Variants in HSD11B1 observed in about 807,000 individuals in gnomAD.
HSD11B1 encodes the protein 11-beta-hydroxysteroid dehydrogenase 1.
Under a neutral mutation model 22.1 loss-of-function variants are expected in HSD11B1, and 15 were observed. The ratio of observed to expected loss-of-function variants is 0.68; its 90% CI spans 0.45 to 1.04. The LOEUF (loss-of-function observed/expected upper bound fraction) is 1.04. Among genes scored for constraint, HSD11B1 ranks in the 50% least tolerant of loss-of-function variants. The pLI is 0.00. For missense variants in HSD11B1, 281 were observed against 357.6 expected, an observed-to-expected ratio of 0.79 and a Z score of 1.73; for synonymous variants, 122 against 125.2, an observed-to-expected ratio of 0.97 and a Z score of 0.17.
upstream of HSD11B1, among the ~76,000 whole-genome samples, chr1:209,700,840 A>G (rs1226404040): frequency 6.6e-6 from 1 of 152,154 alleles, no homozygotes; most frequent in Non-Finnish European, 1.5e-5. Context: ...AGTTCCACAA[A>G]TCTCTAGGGC....
At chr1:209,723,580 A>G (rs2102392930) in intron 4 of HSD11B1, among the ~76,000 whole-genome samples, 1 of 152,336 alleles carries the variant, frequency 6.6e-6, no homozygotes, top group Non-Finnish European at 1.5e-5. Flanking sequence ...TCCACAGAAC[A>G]GTCTCATTTC....
chr1:209,712,833 G>A (rs1012181451), intron 4 of HSD11B1, among the ~76,000 whole-genome samples: 27 of 152,222 alleles, frequency 1.8e-4, no homozygotes, highest in Middle Eastern at 3.4e-3. Context: ...GACGGATCAC[G>A]AGGTCAGGCA....
rs1553286745 is a variant in HSD11B1, at chr1:209,692,616, G to GGGGGGC, written c.-49+6333_-49+6334insGGGCGG. On this transcript the variant is annotated intron_variant, in intron 1 of 6. Coordinates refer to the HSD11B1 transcript ENST00000261465. Reference sequence around the variant, plus strand: ...TCGGGTATTAAAATGGCGGGGGGGGGGGTGGGGGCTCGGTTCTTGCTAAAT... The same window carrying GGGGGGC: ...TCGGGTATTAAAATGGCGGGGGGGGGGGGGGCGGTGGGGGCTCGGTTCTTGCTAAAT... Among the ~76,000 whole-genome samples, 2 of 110,436 alleles carry GGGGGGC rather than the reference G, an allele frequency of 1.8e-5. 1 individual carries two copies. The highest frequency in any genetic ancestry group is 6.8e-5 in the African/African-American group (2 of 29,348). The allele number at this position is 110,436 out of a possible 152,430, so 72.5% of individuals were successfully genotyped here.
intron 4 of HSD11B1, among the ~76,000 whole-genome samples, chr1:209,712,162 AG>A (rs2076902057): frequency 6.6e-6 from 1 of 152,238 alleles, no homozygotes. Context: ...CTAGGTCTTA[AG>A]AAAAGGAGAA....
chr1:209,698,210 G>GATAT (rs1243727130), intron 1 of HSD11B1, among the ~76,000 whole-genome samples: 3 of 148,434 alleles, frequency 2.0e-5, no homozygotes, highest in African/African-American at 4.9e-5. Context: ...TAGATAGATA[G>GATAT]ATAGATAGGA....
intron 1 of HSD11B1, among the ~76,000 whole-genome samples, chr1:209,698,918 C>T (rs770320380): frequency 2.6e-5 from 4 of 152,178 alleles, no homozygotes; most frequent in Non-Finnish European, 5.9e-5. Context: ...TCCCCTACCA[C>T]AAGCTACACG....
intron 4 of HSD11B1, among the ~76,000 whole-genome samples, chr1:209,731,748 T>G (rs892551484): frequency 1.2e-4 from 19 of 152,192 alleles, no homozygotes; most frequent in African/African-American, 4.6e-4. Context: ...GGAGTCTCTC[T>G]CTGTCACCCA....
chr1:209,704,836 C>A, upstream of HSD11B1: 1 of 832,984 alleles, frequency 1.2e-6, no homozygotes, highest in Non-Finnish European at 2.1e-6. Flanking sequence ...CCTCCCCCGT[C>A]CCTGATGTCA....
At chr1:209,691,700 CAATT>C (rs1019356239) in intron 1 of HSD11B1, among the ~76,000 whole-genome samples, 5 of 151,942 alleles carry the variant, frequency 3.3e-5, no homozygotes, top group African/African-American at 9.7e-5. Context: ...CAGCTGTAAA[CAATT>C]AATCATAATA....
intron 1 of HSD11B1, among the ~76,000 whole-genome samples, chr1:209,689,485 C>T (rs1016414219): frequency 5.3e-5 from 8 of 152,212 alleles, no homozygotes; most frequent in Admixed American, 5.2e-4. Flanking sequence ...TTTGTCCCCT[C>T]CAAGTTGCAT....
Position 209,706,430 on chromosome 1 carries a change from A to C in HSD11B1, c.220-279A>C, listed in dbSNP as rs997447235. 1.3e-4 allele frequency among the ~76,000 whole-genome samples: 20 copies of C among 152,172 alleles called. No individual in the cohort carries two copies. The highest frequency in any genetic ancestry group is 2.0e-4 in the Admixed American group (3 of 15,260). ...GCATCTACACTCATAATGCCCTCAG[A>C]AATGCCTATTCACAGAAGCCATGAG... is the stretch of plus-strand genomic sequence containing the variant. On this transcript the variant is annotated intron_variant, in intron 2 of 5. Coordinates refer to ENST00000367027, the MANE Select transcript of HSD11B1 (RefSeq NM_005525.4). The surrounding 1 kb of genome is among the most constrained non-coding windows in gnomAD (Gnocchi z 4.0).
chr1:209,695,498 C>G (rs936328724), intron 1 of HSD11B1, among the ~76,000 whole-genome samples: 4 of 152,142 alleles, frequency 2.6e-5, no homozygotes, highest in Admixed American at 6.5e-5. Flanking sequence ...CATTGGAGAA[C>G]AGTTTGGCAG....
chr1:209,687,877 G>C (rs1276048540), intron 1 of HSD11B1, among the ~76,000 whole-genome samples: 1 of 152,190 alleles, frequency 6.6e-6, no homozygotes, highest in African/African-American at 2.4e-5. Flanking sequence ...AGGAGACTAG[G>C]GAGGAGAAAG....
At chr1:209,697,578 C>T (rs1286032095) in intron 1 of HSD11B1, among the ~76,000 whole-genome samples, 1 of 152,124 alleles carries the variant, frequency 6.6e-6, no homozygotes, top group Non-Finnish European at 1.5e-5. Context: ...TTCATAGTAC[C>T]TGACCAACAG....
chr1:209,698,199 AT>A, intron 1 of HSD11B1, among the ~76,000 whole-genome samples: 1 of 151,628 alleles, frequency 6.6e-6, no homozygotes, highest in African/African-American at 2.4e-5. Context: ...AGATAGATAG[AT>A]AGATAGATAG....
rs753982632 is a variant in HSD11B1, at chr1:209,706,206, C to A, written c.219+265C>A. ...AGAGTCCTTGAGTTATATATGCTCA[C>A]AGACATGCCTAGTCACACACATTTA... On this transcript the variant is annotated intron_variant, in intron 2 of 5. Coordinates refer to ENST00000367027, the MANE Select transcript of HSD11B1 (RefSeq NM_005525.4). The surrounding 1 kb of genome is among the most constrained non-coding windows in gnomAD (Gnocchi z 4.0). 6.6e-6 allele frequency among the ~76,000 whole-genome samples: 1 copy of A among 152,152 alleles called. No homozygotes were observed. The highest frequency in any genetic ancestry group is 1.5e-5 in the Non-Finnish European group (1 of 68,036).
Position 209,706,054 on chromosome 1 carries a change from A to G in HSD11B1, c.219+113A>G, listed in dbSNP as rs1212017034. 7.4e-7 allele frequency: 1 copy of G among 1,356,536 alleles called. No individual in the cohort carries two copies. The highest frequency in any genetic ancestry group is 1.8e-5 in the Admixed American group (1 of 56,824). The allele number at this position is 1,356,536 out of a possible 1,614,324, so 84.0% of individuals were successfully genotyped here. On this transcript the variant is annotated intron_variant, in intron 2 of 5. Coordinates refer to ENST00000367027, the MANE Select transcript of HSD11B1 (RefSeq NM_005525.4). This position sits in a 1 kb window ranked among gnomAD's most constrained non-coding sequence, Gnocchi z 4.0. The stretch of plus-strand genomic sequence containing the variant: ...ATCGCAGATCTATATACAGAGGCAC[A>G]TGCACACACACAGACACTTAATTTT...
chr1:209,698,779 C>T (rs907916901), intron 1 of HSD11B1, among the ~76,000 whole-genome samples: 3 of 152,170 alleles, frequency 2.0e-5, no homozygotes. Flanking sequence ...ATAAAAAGAA[C>T]TCTTTGCATC....
intron 1 of HSD11B1, among the ~76,000 whole-genome samples, chr1:209,691,884 C>A (rs531289857): frequency 1.3e-5 from 2 of 152,090 alleles, no homozygotes; most frequent in African/African-American, 4.8e-5. Flanking sequence ...AAAAGCACAT[C>A]GTTTACAAAT....
Sources: gnomAD v4.1 joint callset for allele counts (sites outside exome capture counted in the v4.1 genomes callset) on GRCh38, gnomAD v4.1.1 for gene constraint, Gnocchi (gnomAD v3.1) non-coding constraint, MANE v1.5 for transcripts, NCBI Gene and HGNC (gene_info 2026-07-23, HGNC 2026-07-21) for gene names.